Variants in LRPPRC observed in about 807,000 individuals in gnomAD.
LRPPRC encodes the protein leucine rich pentatricopeptide repeat containing.
LRPPRC carries 120 observed loss-of-function variants against 180.3 expected under a neutral mutation model. The observed-to-expected ratio is 0.67, with a 90% CI of 0.57 to 0.77. LRPPRC has a LOEUF of 0.77. Ranked by LOEUF, LRPPRC falls within the 30% of genes least tolerant of loss-of-function variation. The pLI is 0.00. For synonymous variants in LRPPRC, 723 were observed against 600.0 expected (o/e 1.21, Z -3.00); for missense variants, 2,012 against 1,657.2 (o/e 1.21, Z -3.72).
At chr2:43,933,583 T>A (rs1156403295) in intron 25 of LRPPRC, among the ~76,000 whole-genome samples, 1 of 152,206 alleles carries the variant, frequency 6.6e-6, no homozygotes, top group South Asian at 2.1e-4. Flanking sequence ...GACTTTATAG[T>A]TGGCCCTTGA....
intron 35 of LRPPRC, among the ~76,000 whole-genome samples, chr2:43,896,050 T>C (rs908934764): frequency 2.0e-5 from 3 of 152,068 alleles, no homozygotes; most frequent in Non-Finnish European, 4.4e-5. Context: ...GAAAGCCAAG[T>C]GGCTCATTTA....
chr2:43,922,355 G>T (rs779327173), intron 27 of LRPPRC, among the ~76,000 whole-genome samples: 15 of 152,162 alleles, frequency 9.9e-5, no homozygotes, highest in Non-Finnish European at 1.3e-4. Context: ...ACAAAATTAA[G>T]TGTGTATTAA....
At chr2:43,941,954 G>T (rs917587290) in intron 23 of LRPPRC, among the ~76,000 whole-genome samples, 12 of 151,730 alleles carry the variant, frequency 7.9e-5, no homozygotes, top group Non-Finnish European at 1.2e-4. Flanking sequence ...CACTAATTTA[G>T]ATTTCCTTAG....
chr2:43,953,129 T>C (rs1416594067), intron 14 of LRPPRC, among the ~76,000 whole-genome samples: 1 of 152,210 alleles, frequency 6.6e-6, no homozygotes, highest in Non-Finnish European at 1.5e-5. Flanking sequence ...AAACTCAATA[T>C]GCCTCTCAGC....
chr2:43,965,127 G>C (rs1280618391), intron 11 of LRPPRC, among the ~76,000 whole-genome samples: 1 of 152,130 alleles, frequency 6.6e-6, no homozygotes, highest in Non-Finnish European at 1.5e-5. Context: ...TCAGCCTCCT[G>C]GGTAGCTGGG....
Position 43,982,425 on chromosome 2 carries a change from C to T in LRPPRC, c.159G>A (p.Leu53=). 1 of 1,611,734 alleles carries T rather than the reference C, an allele frequency of 6.2e-7. No individual in the cohort carries two copies. Among genetic ancestry groups the T allele is most frequent in the Non-Finnish European group, 8.5e-7 (1 of 1,177,956 alleles). The change falls in exon 2 of 38, where the codon CTG becomes CTA. Residue 53 remains leucine, a synonymous_variant. Transcript: ENST00000260665. The part of the protein sequence containing the change: ...ARAGPVAGGL[L]SPARLYAIAA... Reference sequence around the variant, plus strand: ...CAATGGCATACAGCCTGGCTGGGCTCAGTAGTCCTCTAAAAAATGAAACAT... The same window carrying T: ...CAATGGCATACAGCCTGGCTGGGCTTAGTAGTCCTCTAAAAAATGAAACAT...
intron 1 of LRPPRC, among the ~76,000 whole-genome samples, chr2:43,986,216 T>C (rs1674520662): frequency 6.6e-6 from 1 of 152,170 alleles, no homozygotes; most frequent in Non-Finnish European, 1.5e-5. Flanking sequence ...CTGCAACCTC[T>C]GCCTCAGGAT....
At chr2:43,984,239 G>C (rs1189114286) in intron 1 of LRPPRC, among the ~76,000 whole-genome samples, 2 of 152,054 alleles carry the variant, frequency 1.3e-5, no homozygotes, top group African/African-American at 2.4e-5. Context: ...AATAATATTA[G>C]TCAACAACAA....
intron 32 of LRPPRC, 155 bp from the exon 33 acceptor site, chr2:43,899,760 G>C (rs894377636): frequency 4.5e-5 from 28 of 616,576 alleles, no homozygotes; most frequent in Non-Finnish European, 6.9e-5. Context: ...CTAGGCAACT[G>C]AAACCCTGAA....
At chr2:43,993,457 T>C (rs1475343291) in intron 1 of LRPPRC, among the ~76,000 whole-genome samples, 1 of 151,992 alleles carries the variant, frequency 6.6e-6, no homozygotes, top group East Asian at 1.9e-4. Context: ...CTGCAGTGGA[T>C]AGGAAAGTGA....
chr2:43,971,313 T>C (rs1328563698), intron 11 of LRPPRC, among the ~76,000 whole-genome samples: 1 of 151,732 alleles, frequency 6.6e-6, no homozygotes, highest in African/African-American at 2.4e-5. Flanking sequence ...AAGTGATAAC[T>C]TTTCACTTGT....
In LRPPRC at chr2:43,995,892, C is replaced by G. The variant is rs1242185696; in HGVS notation, c.56G>C (p.Arg19Pro). 6.6e-7 allele frequency: 1 copy of G among 1,510,130 alleles called. No homozygotes were observed. The highest frequency in any genetic ancestry group is 1.2e-5 in the South Asian group (1 of 81,566). 93.5% of individuals were successfully genotyped at this position (1,510,130 alleles called of 1,614,324 possible). A position where few individuals can be genotyped will look rare whatever the true frequency, so the allele number is the denominator to read the frequency against. The change falls in exon 1 of 38, where the codon CGC (arginine) becomes CCC (proline). Residue 19 changes from arginine to proline, a missense_variant. Transcript: ENST00000260665. ...RWLLRAGAAPRLPLSLRLLPG... is the reference protein window; with the variant it reads ...RWLLRAGAAPPLPLSLRLLPG... ...GAGGAGGCGCAGGGAGAGCGGGAGG[C>G]GCGGGGCCGCCCCGGCACGCAGCAA...
At chr2:43,907,728 G>T (rs1179106267) in intron 30 of LRPPRC, among the ~76,000 whole-genome samples, 4 of 152,002 alleles carry the variant, frequency 2.6e-5, no homozygotes, top group Non-Finnish European at 5.9e-5. Flanking sequence ...AAAATTATAG[G>T]GGAAAAAGAG....
chr2:43,913,786 A>G (rs561851190), intron 29 of LRPPRC, among the ~76,000 whole-genome samples: 1 of 152,334 alleles, frequency 6.6e-6, no homozygotes, highest in South Asian at 2.1e-4. Flanking sequence ...GTTGTGAACA[A>G]CTGTATATTC....
chr2:43,901,297 AAAG>A lies in LRPPRC; in HGVS notation c.3569+20_3569+22del, dbSNP rs1484869400. ...GCCCATTCTAGTGACCAATGAAGGA[AAAG>A]AAGGCTTGCAAATACTCACTTCTTT... On this transcript the variant is annotated intron_variant, in intron 32 of 37. Transcript: ENST00000260665. The A allele has an allele frequency of 3.1e-5, 50 of 1,602,248 alleles. No homozygotes were observed. Among genetic ancestry groups the A allele is most frequent in the Non-Finnish European group, 4.0e-5 (47 of 1,171,396 alleles).
intron 1 of LRPPRC, among the ~76,000 whole-genome samples, chr2:43,993,974 TA>T (rs1674904033): frequency 6.6e-6 from 1 of 151,886 alleles, no homozygotes; most frequent in Non-Finnish European, 1.5e-5. Flanking sequence ...GATTACGCAG[TA>T]AGTAAACAGA....
rs564332294 is a variant in LRPPRC, at chr2:43,988,218, G to C, written c.150-5784C>G. Among the ~76,000 whole-genome samples the C allele has an allele frequency of 9.3e-4, 131 of 140,702 alleles. 2 individuals are homozygous for C. The highest frequency in any genetic ancestry group is 1.6e-3 in the Non-Finnish European group (103 of 65,408). The allele number at this position is 140,702 out of a possible 152,430, so 92.3% of individuals were successfully genotyped here. A position where few individuals can be genotyped will look rare whatever the true frequency, so the allele number is the denominator to read the frequency against. ...ATCGCCCCACTGCACTCCAGCCTGGGAGACAGAGACTCTGTCTCAAAAAAA... is the reference window on the plus strand; with the variant it reads ...ATCGCCCCACTGCACTCCAGCCTGGCAGACAGAGACTCTGTCTCAAAAAAA... On this transcript the variant is annotated intron_variant, in intron 1 of 37. Coordinates refer to ENST00000260665, the MANE Select transcript of LRPPRC (RefSeq NM_133259.4).
intron 14 of LRPPRC, among the ~76,000 whole-genome samples, chr2:43,956,702 C>G (rs1206096825): frequency 6.6e-6 from 1 of 152,018 alleles, no homozygotes; most frequent in African/African-American, 2.4e-5. Flanking sequence ...CCAACCTGGC[C>G]AACATGGTGA....
In LRPPRC at chr2:43,918,058, T is replaced by C; in HGVS notation, c.3115A>G (p.Ile1039Val). ...STTEPDFQKD[I>V]LIACRLNQKK... ...TGGTTCAATCGGCAGGCAATCAATA[T>C]ATCTTTCTGGAAATCAGGTTCTGTG... The change falls in exon 29 of 38, where the codon ATA (isoleucine) becomes GTA (valine). Residue 1039 changes from isoleucine (I) to valine (V), a missense_variant. Ile to Val is a conservative substitution (Grantham distance 29, BLOSUM62 3). Coordinates refer to ENST00000260665, the MANE Select transcript of LRPPRC (RefSeq NM_133259.4). The C allele has an allele frequency of 2.5e-6, 4 of 1,611,778 alleles. No individual in the cohort carries two copies. The highest frequency in any genetic ancestry group is 3.4e-6 in the Non-Finnish European group (4 of 1,178,974).
Sources: allele counts gnomAD v4.1 joint callset (sites outside exome capture counted in the v4.1 genomes callset), GRCh38; gene constraint gnomAD v4.1.1; transcripts MANE v1.5; gene names NCBI Gene and HGNC (gene_info 2026-07-23, HGNC 2026-07-21).